TRPM5: variants seen among roughly 807,000 people sequenced by gnomAD.
The protein encoded by TRPM5 is transient receptor potential cation channel subfamily M member 5.
In TRPM5, 121 loss-of-function variants were observed where a neutral mutation model predicts 124.9. The ratio of observed to expected loss-of-function variants is 0.97; its 90% CI spans 0.84 to 1.13. The LOEUF (loss-of-function observed/expected upper bound fraction) is 1.13. TRPM5 is among the 50% of genes most tolerant of loss of function. TRPM5 has a pLI of 0.00. For synonymous variants in TRPM5, 781 were observed against 700.5 expected, an observed-to-expected ratio of 1.11 and a Z score of -1.81; for missense variants, 1,643 against 1,589.1, an observed-to-expected ratio of 1.03 and a Z score of -0.58.
chr11:2,404,822 GCTGGGGGGCTGGTGCCCC>G (rs1456944243), exon 24 of TRPM5: 4 of 795,556 alleles, frequency 5.0e-6, no homozygotes, highest in Non-Finnish European at 8.1e-6. Context: ...GCCATTGTCT[GCTGGGGGGCTGGTGCCCC>G]CTGGGGGGTT....
At chr11:2,415,229 C>A in exon 9 of TRPM5, 1 of 1,574,368 alleles carries the variant, frequency 6.4e-7, no homozygotes, top group Non-Finnish European at 8.6e-7. Context: ...AGGCCGGTGG[C>A]CCCGCGGGTG....
At chr11:2,434,490 G>A in the TRPM5 span, among the ~76,000 whole-genome samples, 6 of 150,202 alleles carry the variant, frequency 4.0e-5, no homozygotes, top group Admixed American at 1.3e-4. Context: ...GTGTATAGCC[G>A]CACTGTGTGT....
In TRPM5 at chr11:2,414,955, C is replaced by T; in HGVS notation, c.1572G>A (p.Trp524Ter). The T allele has an allele frequency of 1.9e-6, 3 of 1,607,706 alleles. No individual in the cohort carries two copies. Among genetic ancestry groups the T allele is most frequent in the Non-Finnish European group, 2.5e-6 (3 of 1,178,758 alleles). Reference sequence around the variant, plus strand: ...TCTCGTGGCGGTTCTGCAGCACGGCCCACAGGAACAGGTCCCGCCAGGGGT... The same window carrying T: ...TCTCGTGGCGGTTCTGCAGCACGGCTCACAGGAACAGGTCCCGCCAGGGGT... Residue 524 changes from tryptophan (W) to a stop codon, truncating the protein, a stop_gained, in exon 10 of 24, where the codon TGG becomes TGA. Coordinates refer to ENST00000155858, the Ensembl canonical transcript of TRPM5. LOFTEE classifies it high-confidence loss of function.
At chr11:2,437,772 G>T in the TRPM5 span, among the ~76,000 whole-genome samples, 1 of 152,102 alleles carries the variant, frequency 6.6e-6, no homozygotes, top group East Asian at 1.9e-4. This position sits in a 1 kb window ranked among gnomAD's most constrained non-coding sequence, Gnocchi z 5.6. Flanking sequence ...CTGCCCTGGG[G>T]TCCCCTCCCA....
the TRPM5 span, among the ~76,000 whole-genome samples, chr11:2,442,988 A>G: frequency 6.6e-6 from 1 of 152,296 alleles, no homozygotes; most frequent in South Asian, 2.1e-4. The surrounding 1 kb of genome is among the most constrained non-coding windows in gnomAD (Gnocchi z 5.9). Context: ...AACTGCAAAT[A>G]CTTTTCCCAT....
rs200499739 is a variant in TRPM5, at chr11:2,405,554, C to A, written c.3364G>T (p.Val1122Leu). The change falls in exon 23 of 24, where the codon GTG becomes TTG. Residue 1122 changes from valine to leucine, a missense_variant. Transcript: ENST00000155858. ...CGGGGGCCGCCACCCTGGGCCAGCA[C>A]GTCAGCCACGGAGGACACGAGCACC... 847 of 1,565,606 alleles carry A rather than the reference C, an allele frequency of 5.4e-4. 10 individuals carry two copies. In the South Asian group the frequency reaches 7.2e-3, roughly 13 times the overall value.
At chr11:2,414,875 G>A (rs1239932190) in intron 10 of TRPM5, 32 bp downstream of exon 15, 1 of 1,592,948 alleles carries the variant, frequency 6.3e-7, no homozygotes. Context: ...CCCCTCCCCT[G>A]CCCCCGCGCT....
intron 4 of TRPM5, among the ~76,000 whole-genome samples, chr11:2,419,007 T>G (rs1455839440): frequency 6.6e-6 from 1 of 151,704 alleles, no homozygotes; most frequent in Non-Finnish European, 1.5e-5. Context: ...CAGGAGGGAG[T>G]CTTCAGGTTT....
At chr11:2,421,723 C>T (rs375105066) in intron 2 of TRPM5, among the ~76,000 whole-genome samples, 19 of 152,306 alleles carry the variant, frequency 1.2e-4, no homozygotes, top group South Asian at 4.1e-4. Flanking sequence ...GCTGGCGGCC[C>T]GACTGCTTCC....
At chr11:2,414,517 C>A (rs1262854903) in intron 11 of TRPM5, among the ~76,000 whole-genome samples, 198 bp downstream of exon 16, 4 of 152,198 alleles carry the variant, frequency 2.6e-5, no homozygotes, top group Non-Finnish European at 4.4e-5. Context: ...ACGTGCACAG[C>A]GGTCCCACAC....
chr11:2,433,026 C>T, the TRPM5 span, among the ~76,000 whole-genome samples: 15 of 152,364 alleles, frequency 9.8e-5, no homozygotes, highest in African/African-American at 3.1e-4. Context: ...TGGAGCCGCA[C>T]GTCCGTCCCC....
rs767983237 is a variant in TRPM5 at position 2,405,010 on chromosome 11, A to G, written c.3425T>C (p.Val1142Ala). Residue 1142 changes from valine (V) to alanine (A), a missense_variant, in exon 24 of 24, where the codon GTG becomes GCG. Coordinates refer to ENST00000155858, the Ensembl canonical transcript of TRPM5. The stretch of plus-strand genomic sequence containing the variant: ...TAAACCACCTCTGTGGTCAGCAGCC[A>G]CCAGCTGGCTTCCCTCGCCACAGTG... 3 of 1,612,766 alleles carry G rather than the reference A, an allele frequency of 1.9e-6. No homozygotes were observed. Among genetic ancestry groups the G allele is most frequent in the Admixed American group, 3.3e-5 (2 of 60,006 alleles).
chr11:2,423,074 A>T, upstream of TRPM5: 1 of 1,534,206 alleles, frequency 6.5e-7, no homozygotes, highest in Non-Finnish European at 8.9e-7. Context: ...CTGGCCCTTG[A>T]GGGCTGAGAA....
At chr11:2,414,770 C>CAGGTGCCTCGGTCTCCAGGTCGCCTCG (rs1565010724) in exon 11 of TRPM5, 1 of 1,555,788 alleles carries the variant, frequency 6.4e-7, no homozygotes, top group African/African-American at 1.4e-5. Flanking sequence ...CCTCGGCCTC[C>CAGGTGCCTCGGTCTCCAGGTCGCCTCG]GTCTCCAGGT....
chr11:2,406,856 G>T, intron 20 of TRPM5, 63 bp from the exon 26 acceptor site: 1 of 1,556,974 alleles, frequency 6.4e-7, no homozygotes, highest in Non-Finnish European at 8.7e-7. Context: ...CAGAGCCCAG[G>T]CCTGGTCCCG....
chr11:2,434,619 G>A, the TRPM5 span, among the ~76,000 whole-genome samples: 1 of 150,878 alleles, frequency 6.6e-6, no homozygotes, highest in Admixed American at 6.6e-5. Flanking sequence ...GTGTGTAGGT[G>A]CACTGTGTGT....
chr11:2,413,236 C>G lies in TRPM5; in HGVS notation c.2004-10G>C. On this transcript the variant is annotated splice_polypyrimidine_tract_variant and intron_variant, in intron 13 of 23. Transcript: ENST00000155858. ...CAGGGGAGCTTCCTCACTGCGAGCA[C>G]AGGAGAGCTCAGGGCCCGCAGGAAG... 12 of 1,535,000 alleles carry G rather than the reference C, an allele frequency of 7.8e-6. No homozygotes were observed. Among genetic ancestry groups the G allele is most frequent in the Non-Finnish European group, 1.1e-5 (12 of 1,141,330 alleles).
At chr11:2,443,374 C>T in the TRPM5 span, among the ~76,000 whole-genome samples, 1 of 152,228 alleles carries the variant, frequency 6.6e-6, no homozygotes. This position sits in a 1 kb window ranked among gnomAD's most constrained non-coding sequence, Gnocchi z 5.0. Context: ...CTGCTGAATG[C>T]GTGCTGTGTG....
Position 2,412,902 on chromosome 11 carries a change from A to G in TRPM5, c.2207T>C (p.Leu736Pro), listed in dbSNP as rs766561941. 2.5e-6 allele frequency: 4 copies of G among 1,598,320 alleles called. No homozygotes were observed. The South Asian group carries it at 4.5e-5, about 18-fold the overall frequency. The change falls in exon 15 of 24, where the codon CTG becomes CCG. Residue 736 changes from leucine (L) to proline (P), a missense_variant. By Grantham distance (98) the Leu-to-Pro change is moderately conservative. Transcript: ENST00000155858. ...GGCGAAGTACATGACCACGTTCCCC[A>G]GGAACACAGTCACGGGAGCGCCCCA...
Sources: allele counts gnomAD v4.1 joint callset (sites outside exome capture counted in the v4.1 genomes callset), GRCh38; gene constraint gnomAD v4.1.1; non-coding constraint Gnocchi (gnomAD v3.1); transcripts MANE v1.5; gene names NCBI Gene and HGNC (gene_info 2026-07-23, HGNC 2026-07-21).